The following SPTLC3 variants were observed in gnomAD, a reference collection of about 807,000 sequenced individuals.
SPTLC3 encodes the protein serine palmitoyltransferase long chain base subunit 3, also known as serine palmitoyltransferase 3.
SPTLC3 carries 36 observed loss-of-function variants against 59.3 expected under a neutral mutation model. The observed-to-expected ratio is 0.61, with a 90% CI of 0.47 to 0.80. SPTLC3 has a LOEUF of 0.80. SPTLC3 is among the 30% of genes least tolerant of loss of function. SPTLC3 has a pLI of 0.00. For synonymous variants in SPTLC3, 257 were observed against 240.8 expected (o/e 1.07, Z -0.62); for missense variants, 625 against 685.1 (o/e 0.91, Z 0.98).
At chr20:13,012,135 T>G (rs1985285685) in intron 1 of SPTLC3, among the ~76,000 whole-genome samples, 1 of 152,180 alleles carries the variant, frequency 6.6e-6, no homozygotes, top group South Asian at 2.1e-4. Flanking sequence ...AAGGTAGACC[T>G]TGTGTCTCCA....
intron 2 of SPTLC3, among the ~76,000 whole-genome samples, chr20:13,064,792 A>G (rs948425586): frequency 6.6e-6 from 1 of 152,156 alleles, no homozygotes; most frequent in South Asian, 2.1e-4. Context: ...GGAAAATATG[A>G]TGTCTTCATA....
intron 6 of SPTLC3, among the ~76,000 whole-genome samples, chr20:13,094,210 G>C (rs1989332207): frequency 6.6e-6 from 1 of 152,152 alleles, no homozygotes; most frequent in Non-Finnish European, 1.5e-5. Context: ...GTCCAGCTCT[G>C]CTCCTGACTT....
At chr20:13,093,262 G>T (rs540492468) in intron 5 of SPTLC3, among the ~76,000 whole-genome samples, 1 of 152,168 alleles carries the variant, frequency 6.6e-6, no homozygotes, top group Non-Finnish European at 1.5e-5. Context: ...TGCAAATGTC[G>T]CAGTGAACAT....
chr20:13,143,817 T>A (rs776913017), intron 9 of SPTLC3, among the ~76,000 whole-genome samples: 4 of 152,234 alleles, frequency 2.6e-5, no homozygotes, highest in Non-Finnish European at 5.9e-5. Flanking sequence ...CAGCCTAGTA[T>A]CTGTCTTTTG....
rs774007728 is a variant in SPTLC3, at chr20:13,164,805, C to T, written c.1597C>T (p.Arg533Trp). 2.5e-5 allele frequency: 41 copies of T among 1,613,652 alleles called. No homozygotes were observed. Among genetic ancestry groups the T allele is most frequent in the South Asian group, 1.8e-4 (16 of 91,050 alleles). ...MGDLLQLKYS[R>W]HKKSARPELY... Reference sequence around the variant, plus strand: ...TGATCTCTTGCAACTGAAATATTCCCGGCACAAGAAGTCAGCACGTCCTGA... The same window carrying T: ...TGATCTCTTGCAACTGAAATATTCCTGGCACAAGAAGTCAGCACGTCCTGA... Residue 533 changes from arginine (R) to tryptophan (W), a missense_variant, in exon 12 of 12, where the codon CGG becomes TGG. Physicochemically the swap from Arg to Trp is moderately radical, Grantham distance 101 (BLOSUM62 -3). Transcript: ENST00000399002.
Position 13,041,232 on chromosome 20 carries a change from C to T in SPTLC3, c.118-7713C>T, listed in dbSNP as rs925318720. ...ATTGTGTATATGTTGGTGTACTCAA[C>T]GGTATCCCACATGTTTCAGAGGCCT... On this transcript the variant is annotated intron_variant, in intron 1 of 11. Coordinates refer to ENST00000399002, the MANE Select transcript of SPTLC3 (RefSeq NM_018327.4). Among the ~76,000 whole-genome samples the T allele has an allele frequency of 9.2e-5, 14 of 152,138 alleles. 1 individual carries two copies. The South Asian group carries it at 1.0e-3, about 11-fold the overall frequency.
intron 9 of SPTLC3, among the ~76,000 whole-genome samples, chr20:13,145,942 T>C (rs1305917731): frequency 6.6e-6 from 1 of 152,166 alleles, no homozygotes; most frequent in East Asian, 1.9e-4. Flanking sequence ...TAGGGACAAA[T>C]ATAAATAATT....
At chr20:13,081,796 G>T (rs1988849801) in intron 4 of SPTLC3, among the ~76,000 whole-genome samples, 1 of 152,072 alleles carries the variant, frequency 6.6e-6, no homozygotes, top group Admixed American at 6.5e-5. Flanking sequence ...AATTATTATA[G>T]ATTCCAATTA....
intron 6 of SPTLC3, among the ~76,000 whole-genome samples, chr20:13,101,540 A>G (rs1989601034): frequency 6.6e-6 from 1 of 152,172 alleles, no homozygotes; most frequent in South Asian, 2.1e-4. Flanking sequence ...AGCTTCAGGG[A>G]CATAGCCAAC....
intron 9 of SPTLC3, among the ~76,000 whole-genome samples, chr20:13,136,604 CAT>C (rs113062136): frequency 1.4e-3 from 192 of 136,040 alleles, no homozygotes; most frequent in African/African-American, 4.4e-3. Flanking sequence ...CATCTAAAAA[CAT>C]ATATATATAT....
rs764422339 is a variant in SPTLC3, at chr20:13,044,878, C to CTCCA, written c.118-4066_118-4063dup. Among the ~76,000 whole-genome samples, 26 of 152,168 alleles carry CTCCA rather than the reference C, an allele frequency of 1.7e-4. 1 individual carries two copies. Among genetic ancestry groups the CTCCA allele is most frequent in the Non-Finnish European group, 2.5e-4 (17 of 68,002 alleles). Reference sequence around the variant, plus strand: ...TGCTCGACAACCCAGCAACACCAGACTCCAGTTCAACCTCCTCAAGAATCA... The same window carrying CTCCA: ...TGCTCGACAACCCAGCAACACCAGACTCCATCCAGTTCAACCTCCTCAAGAATCA... On this transcript the variant is annotated intron_variant, in intron 1 of 11. Transcript: ENST00000399002.
At chr20:13,038,727 A>T (rs1295513856) in intron 1 of SPTLC3, among the ~76,000 whole-genome samples, 1 of 152,070 alleles carries the variant, frequency 6.6e-6, no homozygotes, top group Non-Finnish European at 1.5e-5. Context: ...TGGTCTTAAG[A>T]TAAGGTGATA....
At chr20:13,064,920 T>C (rs1988135926) in intron 2 of SPTLC3, among the ~76,000 whole-genome samples, 1 of 152,172 alleles carries the variant, frequency 6.6e-6, no homozygotes, top group African/African-American at 2.4e-5. Flanking sequence ...TGGGACACAA[T>C]TTTTAATCAT....
At chr20:13,042,515 C>T (rs1009617151) in intron 1 of SPTLC3, among the ~76,000 whole-genome samples, 1 of 152,206 alleles carries the variant, frequency 6.6e-6, no homozygotes, top group Non-Finnish European at 1.5e-5. Flanking sequence ...GATATAGAGT[C>T]TCTACCCTAC....
chr20:13,073,401 T>A (rs577363365), intron 3 of SPTLC3, among the ~76,000 whole-genome samples: 1 of 152,346 alleles, frequency 6.6e-6, no homozygotes, highest in Admixed American at 6.5e-5. Context: ...TTTTTCTTTC[T>A]TTATGTTGAA....
chr20:13,047,303 T>C (rs972751093), intron 1 of SPTLC3, among the ~76,000 whole-genome samples: 3 of 152,162 alleles, frequency 2.0e-5, no homozygotes, highest in Admixed American at 2.0e-4. Context: ...AAAACTGTGT[T>C]GATTACAATG....
At position 13,027,670 on chromosome 20, in the gene SPTLC3, C is replaced by T. The variant is rs932629635; in HGVS notation, c.117+18286C>T. Among the ~76,000 whole-genome samples the T allele has an allele frequency of 2.7e-5, 4 of 150,206 alleles. No homozygotes were observed. The South Asian group carries it at 8.3e-4, about 31-fold the overall frequency. ...ACACACACACACACACACACACACACACACACACACGCAAAAGTGTCAATT... is the reference window on the plus strand; with the variant it reads ...ACACACACACACACACACACACACATACACACACACGCAAAAGTGTCAATT... On this transcript the variant is annotated intron_variant, in intron 1 of 11. Transcript: ENST00000399002.
chr20:13,127,603 C>G (rs1312793961), intron 9 of SPTLC3, among the ~76,000 whole-genome samples: 1 of 152,142 alleles, frequency 6.6e-6, no homozygotes, highest in Non-Finnish European at 1.5e-5. Context: ...TTGCTAGAAG[C>G]CTACTATATA....
chr20:13,140,228 T>C (rs2038348793), intron 9 of SPTLC3, among the ~76,000 whole-genome samples: 1 of 152,180 alleles, frequency 6.6e-6, no homozygotes, highest in Non-Finnish European at 1.5e-5. Context: ...AATGGCATCA[T>C]TATCAGAAAA....
Sources: gnomAD v4.1 joint callset for allele counts (sites outside exome capture counted in the v4.1 genomes callset) on GRCh38, gnomAD v4.1.1 for gene constraint, MANE v1.5 for transcripts, NCBI Gene and HGNC (gene_info 2026-07-23, HGNC 2026-07-21) for gene names.